KIT: variants seen among roughly 807,000 people sequenced by gnomAD.
KIT encodes the protein KIT proto-oncogene, receptor tyrosine kinase.
KIT carries 16 observed loss-of-function variants against 105.7 expected under a neutral mutation model. The ratio of observed to expected loss-of-function variants is 0.15; its 90% CI spans 0.10 to 0.23. KIT has a LOEUF of 0.23. KIT is among the 10% of genes least tolerant of loss of function. KIT has a pLI of 1.00. For missense variants in KIT, 858 were observed against 1,213.8 expected, an observed-to-expected ratio of 0.71 and a Z score of 4.36; for synonymous variants, 438 against 441.1, an observed-to-expected ratio of 0.99 and a Z score of 0.09.
chr4:54,734,507 G>A (rs1722801713), intron 17 of KIT, among the ~76,000 whole-genome samples: 1 of 152,212 alleles, frequency 6.6e-6, no homozygotes, highest in African/African-American at 2.4e-5. Flanking sequence ...TCTTGTTATT[G>A]GTTAGTGACC....
chr4:54,713,694 A>T (rs1430311622), intron 7 of KIT, among the ~76,000 whole-genome samples: 1 of 152,218 alleles, frequency 6.6e-6, no homozygotes, highest in Non-Finnish European at 1.5e-5. Context: ...GCGGTTGAAA[A>T]ATCTATTTGT....
In KIT at chr4:54,703,840, T is replaced by C. The variant is rs772988068; in HGVS notation, c.873T>C (p.Tyr291=). 12 of 1,613,888 alleles carry C rather than the reference T, an allele frequency of 7.4e-6. No homozygotes were observed. Among genetic ancestry groups the C allele is most frequent in the African/African-American group, 2.7e-5 (2 of 74,932 alleles). The change falls in exon 5 of 21, where the codon TAT becomes TAC. Residue 291 remains tyrosine, a synonymous_variant. Transcript: ENST00000288135. ...RVNDSGVFMC[Y]ANNTFGSANV... ...ATGATTCTGGAGTGTTCATGTGTTA[T>C]GCCAATAATACTTTTGGATCAGCAA...
chr4:54,737,122 G>C, intron 19 of KIT, 53 bp from the exon 20 acceptor site: 1 of 1,222,540 alleles, frequency 8.2e-7, no homozygotes, highest in Non-Finnish European at 1.2e-6. Flanking sequence ...CCATACATTT[G>C]AAAACAAGCT....
chr4:54,684,315 C>A (rs1719156951), intron 1 of KIT, among the ~76,000 whole-genome samples: 1 of 152,078 alleles, frequency 6.6e-6, no homozygotes, highest in African/African-American at 2.4e-5. Context: ...AAATGTGGGA[C>A]CCACATGTAC....
rs972604101 is a variant in KIT at position 54,739,203 on chromosome 4, A to G, written c.*646A>G. The stretch of plus-strand genomic sequence containing the variant: ...GCTATTAGAGCATTGAATTGGAGAG[A>G]AGGCCTCCCTAGCCAGCACTTGTAT... On this transcript the variant is annotated 3_prime_UTR_variant, in exon 21 of 21. Coordinates refer to ENST00000288135, the MANE Select transcript of KIT (RefSeq NM_000222.3). The G allele has an allele frequency of 3.5e-6, 1 of 283,860 alleles. No individual in the cohort carries two copies. The highest frequency in any genetic ancestry group is 6.6e-6 in the Non-Finnish European group (1 of 152,140). The allele number at this position is 283,860 out of a possible 1,614,324, so 17.6% of individuals were successfully genotyped here. A position where few individuals can be genotyped will look rare whatever the true frequency, so the allele number is the denominator to read the frequency against.
At chr4:54,715,370 A>T (rs1251798902) in intron 7 of KIT, among the ~76,000 whole-genome samples, 1 of 43,094 alleles carries the variant, frequency 2.3e-5, no homozygotes, top group Non-Finnish European at 4.4e-5. Flanking sequence ...GTTGCTGTTA[A>T]AAAAAAAAAA....
intron 1 of KIT, among the ~76,000 whole-genome samples, chr4:54,661,659 C>T (rs987486901): frequency 7.9e-5 from 12 of 152,156 alleles, no homozygotes; most frequent in African/African-American, 2.9e-4. Context: ...GATTGAATGA[C>T]ATTTGCAGGA....
In KIT at chr4:54,694,282, C is replaced by T. The variant is rs141729506; in HGVS notation, c.68-1230C>T. ...CCTTTGCCCTTATGATATGGTTACA[C>T]TCCAGCCCACCTCTTGCTTTTTCTT... On this transcript the variant is annotated intron_variant, in intron 1 of 20. Coordinates refer to ENST00000288135, the MANE Select transcript of KIT (RefSeq NM_000222.3). Among the ~76,000 whole-genome samples the T allele has an allele frequency of 1.4e-3, 211 of 152,312 alleles. 2 individuals are homozygous for T. Among genetic ancestry groups the T allele is most frequent in the African/African-American group, 4.9e-3 (205 of 41,564 alleles).
chr4:54,732,451 C>A (rs1406625693), intron 16 of KIT, among the ~76,000 whole-genome samples: 1 of 151,832 alleles, frequency 6.6e-6, no homozygotes, highest in African/African-American at 2.4e-5. Flanking sequence ...AATAAGGGGT[C>A]AGAGGGAGTA....
At chr4:54,679,827 G>A (rs1718774700) in intron 1 of KIT, among the ~76,000 whole-genome samples, 1 of 152,196 alleles carries the variant, frequency 6.6e-6, no homozygotes, top group African/African-American at 2.4e-5. Context: ...CTATTATTCA[G>A]CCTTAAAAGG....
At chr4:54,729,135 G>A (rs553407471) in intron 13 of KIT, among the ~76,000 whole-genome samples, 200 bp from the exon 14 acceptor site, 1 of 152,116 alleles carries the variant, frequency 6.6e-6, no homozygotes, top group Non-Finnish European at 1.5e-5. Context: ...GTTAAAAGAG[G>A]CTTGCTTGTT....
At chr4:54,723,791 A>T in intron 8 of KIT, 93 bp downstream of exon 8, 1 of 875,516 alleles carries the variant, frequency 1.1e-6, no homozygotes. Context: ...TTTTTTTAAA[A>T]AAGCTTTGTT....
intron 1 of KIT, among the ~76,000 whole-genome samples, chr4:54,684,702 C>T (rs367771490): frequency 2.0e-5 from 3 of 152,314 alleles, no homozygotes; most frequent in East Asian, 3.9e-4. Context: ...CCCGGCAGCA[C>T]GACAAAGCTC....
intron 6 of KIT, 34 bp downstream of exon 6, chr4:54,707,321 A>G: frequency 7.1e-7 from 1 of 1,409,392 alleles, no homozygotes; most frequent in Non-Finnish European, 1.0e-6. Context: ...GGGATTACAC[A>G]TTACCCCCTT....
At chr4:54,692,802 GT>G (rs1560391196) in intron 1 of KIT, among the ~76,000 whole-genome samples, 1 of 152,122 alleles carries the variant, frequency 6.6e-6, no homozygotes, top group Non-Finnish European at 1.5e-5. Flanking sequence ...CCTTTATGAC[GT>G]TGTTGCTGCC....
chr4:54,711,749 C>T (rs1721175955), intron 7 of KIT, among the ~76,000 whole-genome samples: 1 of 123,716 alleles, frequency 8.1e-6, no homozygotes, highest in Non-Finnish European at 1.9e-5. Context: ...TGGTGAAACC[C>T]CTTCTCTACT....
rs545866479 is a variant in KIT, at chr4:54,666,049, T to C, written c.67+7968T>C. ...TTTTCTCAGAATAAAATGGCCATAC[T>C]GGGTATAGAGGAGGACATAGAATTG... On this transcript the variant is annotated intron_variant, in intron 1 of 20. Coordinates refer to ENST00000288135, the MANE Select transcript of KIT (RefSeq NM_000222.3). 5.3e-5 allele frequency among the ~76,000 whole-genome samples: 8 copies of C among 152,270 alleles called. No individual in the cohort carries two copies. In the East Asian group the frequency reaches 1.4e-3, roughly 26 times the overall value.
intron 1 of KIT, among the ~76,000 whole-genome samples, chr4:54,661,818 T>C (rs1717291836): frequency 6.6e-6 from 1 of 152,200 alleles, no homozygotes; most frequent in East Asian, 1.9e-4. Flanking sequence ...TTTGTTGTAC[T>C]TAGAGAGGAA....
At chr4:54,667,621 T>C (rs936409289) in intron 1 of KIT, among the ~76,000 whole-genome samples, 15 of 152,342 alleles carry the variant, frequency 9.8e-5, no homozygotes, top group Middle Eastern at 3.4e-3. Context: ...CGGAAGGCTC[T>C]GCTCCCGCCG....
Sources: gnomAD v4.1 joint callset for allele counts (sites outside exome capture counted in the v4.1 genomes callset) on GRCh38, gnomAD v4.1.1 for gene constraint, MANE v1.5 for transcripts, NCBI Gene and HGNC (gene_info 2026-07-23, HGNC 2026-07-21) for gene names.